The following RBPJ variants were observed in gnomAD, a reference collection of about 807,000 sequenced individuals.
RBPJ encodes recombining binding protein suppressor of hairless.
In RBPJ, 9 loss-of-function variants were observed where a neutral mutation model predicts 67.8. That is an observed-to-expected ratio of 0.13 (90% CI 0.08 to 0.23). The LOEUF (loss-of-function observed/expected upper bound fraction) is 0.23, where lower values mean the gene tolerates loss of function less well. RBPJ is among the 10% of genes least tolerant of loss of function. The pLI, the probability that RBPJ is intolerant of heterozygous loss-of-function variation, is 1.00. For missense variants in RBPJ, 305 were observed against 595.6 expected, an observed-to-expected ratio of 0.51 and a Z score of 5.08; for synonymous variants, 198 against 203.3, an observed-to-expected ratio of 0.97 and a Z score of 0.22.
intron 1 of RBPJ, among the ~76,000 whole-genome samples, chr4:26,261,471 G>T (rs1375797894): frequency 6.6e-6 from 1 of 152,156 alleles, no homozygotes; most frequent in Non-Finnish European, 1.5e-5. Context: ...TTGGTCAAAG[G>T]TAAGAGAACT....
intron 1 of RBPJ, among the ~76,000 whole-genome samples, chr4:26,287,649 G>T (rs1265641544): frequency 7.5e-6 from 1 of 133,386 alleles, no homozygotes; most frequent in Non-Finnish European, 1.6e-5. Context: ...GAGCAGAGAA[G>T]AGAAGAAAAG....
At chr4:26,321,102 C>T in intron 1 of RBPJ, 54 bp downstream of exon 1, 1 of 1,437,030 alleles carries the variant, frequency 7.0e-7, no homozygotes, top group East Asian at 2.4e-5. Flanking sequence ...GGGCGTCTGG[C>T]AGCTCACGGC....
At chr4:26,411,406 G>C (rs1415769985) in intron 3 of RBPJ, among the ~76,000 whole-genome samples, 3 of 151,184 alleles carry the variant, frequency 2.0e-5, no homozygotes, top group Non-Finnish European at 4.4e-5. Flanking sequence ...TCAATCACTA[G>C]ATTTTTACGA....
chr4:26,275,407 A>G (rs1174016294), intron 1 of RBPJ, among the ~76,000 whole-genome samples: 1 of 152,188 alleles, frequency 6.6e-6, no homozygotes, highest in East Asian at 1.9e-4. Flanking sequence ...AGGACCTAGC[A>G]TGCTATGAGT....
At chr4:26,339,099 G>C (rs1210656786) in intron 1 of RBPJ, among the ~76,000 whole-genome samples, 1 of 152,150 alleles carries the variant, frequency 6.6e-6, no homozygotes, top group Non-Finnish European at 1.5e-5. Context: ...GGGATTACAG[G>C]TGTGAGCCAC....
intron 1 of RBPJ, among the ~76,000 whole-genome samples, chr4:26,309,956 T>C (rs1306192584): frequency 6.6e-6 from 1 of 152,234 alleles, no homozygotes; most frequent in African/African-American, 2.4e-5. Context: ...CAAATGTGCA[T>C]TTGATTCCAT....
At chr4:26,122,096 G>A in the RBPJ span, among the ~76,000 whole-genome samples, 3 of 151,870 alleles carry the variant, frequency 2.0e-5, no homozygotes, top group Non-Finnish European at 2.9e-5. Context: ...TTTATATATG[G>A]ACACATTTAT....
chr4:26,123,614 C>G, the RBPJ span, among the ~76,000 whole-genome samples: 1 of 152,150 alleles, frequency 6.6e-6, no homozygotes, highest in East Asian at 1.9e-4. Context: ...CATAATAACA[C>G]AGCTTAAAAT....
At chr4:26,350,585 C>T (rs996935822) in intron 1 of RBPJ, among the ~76,000 whole-genome samples, 2 of 152,064 alleles carry the variant, frequency 1.3e-5, no homozygotes, top group Non-Finnish European at 2.9e-5. Context: ...AAACCTACAA[C>T]CTATAGACAT....
chr4:26,358,055 T>TGTG (rs1727602760), intron 1 of RBPJ, among the ~76,000 whole-genome samples: 1 of 88,688 alleles, frequency 1.1e-5, no homozygotes, highest in Admixed American at 1.3e-4. Context: ...GTGTGTGTAT[T>TGTG]TAATGATCAG....
intron 1 of RBPJ, among the ~76,000 whole-genome samples, chr4:26,350,981 AT>A (rs1726734619): frequency 6.6e-6 from 1 of 151,978 alleles, no homozygotes; most frequent in Non-Finnish European, 1.5e-5. Flanking sequence ...AGGTTGCAAA[AT>A]TTTTTTTGTG....
chr4:26,256,599 C>A lies in RBPJ; in HGVS notation c.-167+92985C>A, dbSNP rs530343312. 2.0e-5 allele frequency among the ~76,000 whole-genome samples: 3 copies of A among 152,272 alleles called. No homozygotes were observed. In the East Asian group the frequency reaches 5.8e-4, roughly 29 times the overall value. ...GATAGCAATGTTACACTTGAACTTA[C>A]ATCATCCCTTATTTCAGAACCTGTG... On this transcript the variant is annotated intron_variant, in intron 1 of 4. Coordinates refer to the RBPJ transcript ENST00000512351.
At chr4:26,232,637 C>T (rs1020273189) in intron 1 of RBPJ, among the ~76,000 whole-genome samples, 4 of 152,206 alleles carry the variant, frequency 2.6e-5, no homozygotes, top group Non-Finnish European at 2.9e-5. Flanking sequence ...AAACACATCT[C>T]TTCTCTATAA....
intron 1 of RBPJ, among the ~76,000 whole-genome samples, chr4:26,198,982 A>G (rs1444377757): frequency 1.3e-5 from 2 of 151,954 alleles, no homozygotes; most frequent in Non-Finnish European, 2.9e-5. Context: ...GGCATGAAGT[A>G]CATTCATTTA....
intron 1 of RBPJ, among the ~76,000 whole-genome samples, chr4:26,283,066 G>T (rs1284593581): frequency 6.7e-6 from 1 of 149,188 alleles, no homozygotes; most frequent in African/African-American, 2.4e-5. Context: ...AAGTAGCTGG[G>T]ATTACAGGCA....
At chr4:26,128,818 C>T in the RBPJ span, among the ~76,000 whole-genome samples, 2 of 152,042 alleles carry the variant, frequency 1.3e-5, no homozygotes, top group South Asian at 2.1e-4. Context: ...CCATATTGTT[C>T]TTATGGTAGT....
chr4:26,430,957 A>G lies in RBPJ; in HGVS notation c.1414A>G (p.Ser472Gly). ...TNSEGSYTNA[S>G]TNSTSVTSST... ...CAGCGAGGGAAGTTACACAAACGCC[A>G]GCACAAATTCAACCAGTGTCACATC... Residue 472 changes from serine to glycine, a missense_variant, in exon 11 of 11, where the codon AGC (serine) becomes GGC (glycine). Transcript: ENST00000355476. The surrounding 1 kb of genome is among the most constrained non-coding windows in gnomAD (Gnocchi z 4.1). 2 of 1,614,100 alleles carry G rather than the reference A, an allele frequency of 1.2e-6. No homozygotes were observed. The highest frequency in any genetic ancestry group is 1.1e-5 in the South Asian group (1 of 91,088).
chr4:26,429,074 TCA>T (rs1183008338), intron 8 of RBPJ, among the ~76,000 whole-genome samples: 1 of 152,196 alleles, frequency 6.6e-6, no homozygotes, highest in African/African-American at 2.4e-5. Context: ...GAAAATGTTC[TCA>T]GAGAAAACAG....
intron 1 of RBPJ, among the ~76,000 whole-genome samples, chr4:26,227,004 C>T (rs915709822): frequency 5.3e-5 from 8 of 152,116 alleles, no homozygotes; most frequent in African/African-American, 1.9e-4. Context: ...CTGTAAGTGG[C>T]TCTTTTGTAT....
Sources: gnomAD v4.1 joint callset for allele counts (sites outside exome capture counted in the v4.1 genomes callset) on GRCh38, gnomAD v4.1.1 for gene constraint, Gnocchi (gnomAD v3.1) non-coding constraint, MANE v1.5 for transcripts, NCBI Gene and HGNC (gene_info 2026-07-23, HGNC 2026-07-21) for gene names.